The following CMIP variants were observed in gnomAD, a reference collection of about 807,000 sequenced individuals.
CMIP encodes c-Maf inducing protein.
Under a neutral mutation model 97.3 loss-of-function variants are expected in CMIP, and 13 were observed. That is an observed-to-expected ratio of 0.13 (90% confidence interval 0.09 to 0.21). The LOEUF (loss-of-function observed/expected upper bound fraction) is 0.21, where lower values mean the gene tolerates loss of function less well. Among genes scored for constraint, CMIP ranks in the 10% least tolerant of loss-of-function variants. CMIP has a pLI of 1.00. For synonymous variants in CMIP, 538 were observed against 436.3 expected, an observed-to-expected ratio of 1.23 and a Z score of -2.91; for missense variants, 847 against 1,024.9, an observed-to-expected ratio of 0.83 and a Z score of 2.37.
intron 3 of CMIP, among the ~76,000 whole-genome samples, chr16:81,634,381 C>T (rs1283135469): frequency 1.3e-5 from 2 of 152,208 alleles, no homozygotes; most frequent in African/African-American, 4.8e-5. Context: ...AATTCAAACC[C>T]AGAGTCTGCT....
At chr16:81,667,785 AGAGAGAGAGAGAGAGT>A (rs1178962150) in intron 7 of CMIP, among the ~76,000 whole-genome samples, 59 of 124,480 alleles carry the variant, frequency 4.7e-4, no homozygotes, top group Middle Eastern at 7.4e-3. Flanking sequence ...AGAGAGAGAG[AGAGAGAGAGAGAGAGT>A]GTGTGTGTGT....
chr16:81,654,655 A>G (rs1365466653), intron 4 of CMIP, among the ~76,000 whole-genome samples: 3 of 151,996 alleles, frequency 2.0e-5, no homozygotes, highest in Admixed American at 6.6e-5. Context: ...TGGCCCTTAG[A>G]CCTCCCCAGT....
At chr16:81,610,581 C>A in intron 2 of CMIP, 1 of 973,944 alleles carries the variant, frequency 1.0e-6, no homozygotes, top group Non-Finnish European at 1.2e-6. Context: ...GGTTCTCTCC[C>A]TGGCTGCCAT....
chr16:81,692,826 A>G (rs75309495), intron 11 of CMIP, among the ~76,000 whole-genome samples: 3,968 of 152,300 alleles, frequency 0.026, 84 homozygotes, highest in South Asian at 0.038. Context: ...TCGTGGAACA[A>G]TTAATGAACA....
At chr16:81,672,433 A>G (rs1374129340) in intron 9 of CMIP, among the ~76,000 whole-genome samples, 1 of 152,230 alleles carries the variant, frequency 6.6e-6, no homozygotes, top group Non-Finnish European at 1.5e-5. Context: ...CACTGTACAC[A>G]TACATGTGAC....
intron 1 of CMIP, among the ~76,000 whole-genome samples, chr16:81,496,165 G>T (rs549843174): frequency 1.2e-4 from 19 of 152,342 alleles, no homozygotes; most frequent in African/African-American, 4.3e-4. Context: ...GGATATGAGT[G>T]CTGGGTGAGT....
At chr16:81,601,417 TG>T (rs546131183) in intron 1 of CMIP, among the ~76,000 whole-genome samples, 1 of 152,008 alleles carries the variant, frequency 6.6e-6, no homozygotes, top group Non-Finnish European at 1.5e-5. Context: ...GGGCTCTTTC[TG>T]GGGGGGTCAG....
rs889278191 is a variant in CMIP at position 81,462,773 on chromosome 16, T to C, written c.300+17232T>C. Among the ~76,000 whole-genome samples, 4 of 152,300 alleles carry C rather than the reference T, an allele frequency of 2.6e-5. No individual in the cohort carries two copies. The East Asian group carries it at 7.7e-4, about 29-fold the overall frequency. On this transcript the variant is annotated intron_variant, in intron 1 of 20. Coordinates refer to ENST00000537098, the MANE Select transcript of CMIP (RefSeq NM_198390.3). ...GGTGTAGTGCATCACTGGAGCTGCGTTGTGATTGAGTCCGAGGGCTGTTCT... is the reference window on the plus strand; with the variant it reads ...GGTGTAGTGCATCACTGGAGCTGCGCTGTGATTGAGTCCGAGGGCTGTTCT...
intron 1 of CMIP, among the ~76,000 whole-genome samples, chr16:81,461,364 G>T (rs142775001): frequency 3.9e-4 from 60 of 152,314 alleles, no homozygotes; most frequent in African/African-American, 1.4e-3. Context: ...AGTTGGAAGA[G>T]AACTTGAAGT....
At chr16:81,686,143 C>G (rs28375552) in intron 10 of CMIP, among the ~76,000 whole-genome samples, 64,744 of 151,806 alleles carry the variant, frequency 0.43, 14,450 homozygotes, top group African/African-American at 0.54. Context: ...TGGAGAGCAC[C>G]TGGCACGCAG....
intron 1 of CMIP, among the ~76,000 whole-genome samples, chr16:81,512,551 T>A (rs1189053007): frequency 6.6e-6 from 1 of 152,198 alleles, no homozygotes; most frequent in Non-Finnish European, 1.5e-5. Flanking sequence ...GTTTAGTGTG[T>A]ACAGGAAAGG....
At chr16:81,567,266 G>C (rs1332345630) in intron 1 of CMIP, among the ~76,000 whole-genome samples, 1 of 152,278 alleles carries the variant, frequency 6.6e-6, no homozygotes, top group Non-Finnish European at 1.5e-5. Context: ...GGCAGCTGCA[G>C]ACTTCCCTGA....
chr16:81,618,025 ACTGTGGAC>A (rs953702252), intron 2 of CMIP, among the ~76,000 whole-genome samples: 6 of 152,186 alleles, frequency 3.9e-5, no homozygotes, highest in Non-Finnish European at 8.8e-5. Context: ...GCCTGGGTCC[ACTGTGGAC>A]CCTCAGAGCC....
intron 1 of CMIP, among the ~76,000 whole-genome samples, chr16:81,536,462 A>G (rs903525557): frequency 6.6e-6 from 1 of 152,210 alleles, no homozygotes. Flanking sequence ...CATCTTTTTA[A>G]AAAAATGGTG....
At chr16:81,567,084 C>T (rs532428033) in intron 1 of CMIP, among the ~76,000 whole-genome samples, 79 of 152,336 alleles carry the variant, frequency 5.2e-4, no homozygotes, top group African/African-American at 1.9e-3. Flanking sequence ...GTATGAGCGA[C>T]TTCTCGTACC....
chr16:81,607,713 C>G lies in CMIP; in HGVS notation c.426+21C>G, dbSNP rs1192590274. 1.9e-6 allele frequency: 3 copies of G among 1,610,488 alleles called. No individual in the cohort carries two copies. In the African/African-American group the frequency reaches 4.0e-5, roughly 22 times the overall value. ...TGCAGGTAGGAGAAATAAACATGAACAAGCAGTTTCTTCTCCCTCATCTTC... is the reference window on the plus strand; with the variant it reads ...TGCAGGTAGGAGAAATAAACATGAAGAAGCAGTTTCTTCTCCCTCATCTTC... On this transcript the variant is annotated intron_variant, in intron 2 of 20. Transcript: ENST00000537098.
chr16:81,607,555 T>C lies in CMIP; in HGVS notation c.301-12T>C. 2 of 1,613,308 alleles carry C rather than the reference T, an allele frequency of 1.2e-6. No individual in the cohort carries two copies. The highest frequency in any genetic ancestry group is 1.7e-6 in the Non-Finnish European group (2 of 1,179,760). On this transcript the variant is annotated splice_polypyrimidine_tract_variant and intron_variant, in intron 1 of 20. Transcript: ENST00000537098. ...CCAATGCATATCTCTTCTTTTTCTT[T>C]TTTTGCTGCAGCCAACTGGGTACAT...
chr16:81,693,943 G>A (rs1025804835), intron 13 of CMIP, among the ~76,000 whole-genome samples: 1 of 152,234 alleles, frequency 6.6e-6, no homozygotes, highest in Non-Finnish European at 1.5e-5. Flanking sequence ...GGGCTTCCAG[G>A]GAGAGGGCAG....
At chr16:81,521,444 C>T (rs1361620564) in intron 1 of CMIP, among the ~76,000 whole-genome samples, 1 of 152,134 alleles carries the variant, frequency 6.6e-6, no homozygotes, top group Non-Finnish European at 1.5e-5. Flanking sequence ...CACCGGTGAC[C>T]GCCAAGGTCG....
Sources: allele counts gnomAD v4.1 joint callset (sites outside exome capture counted in the v4.1 genomes callset), GRCh38; gene constraint gnomAD v4.1.1; transcripts MANE v1.5; gene names NCBI Gene and HGNC (gene_info 2026-07-23, HGNC 2026-07-21).